The following TESK2 variants were observed in gnomAD, a reference collection of about 807,000 sequenced individuals.
TESK2 encodes testis associated actin remodelling kinase 2.
TESK2 carries 39 observed loss-of-function variants against 57.1 expected under a neutral mutation model. The ratio of observed to expected loss-of-function variants is 0.68; its 90% confidence interval spans 0.53 to 0.89. TESK2 has a LOEUF of 0.89. TESK2 is among the 40% of genes least tolerant of loss of function. TESK2 has a pLI of 0.00. For missense variants in TESK2, 646 were observed against 732.1 expected, an observed-to-expected ratio of 0.88 and a Z score of 1.36; for synonymous variants, 249 against 267.9, an observed-to-expected ratio of 0.93 and a Z score of 0.69.
chr1:45,389,728 G>A (rs930050178), intron 3 of TESK2, among the ~76,000 whole-genome samples: 3 of 152,042 alleles, frequency 2.0e-5, no homozygotes, highest in African/African-American at 4.8e-5. Flanking sequence ...TTTATAAATC[G>A]CAATTTCCTC....
intron 2 of TESK2, among the ~76,000 whole-genome samples, chr1:45,455,471 A>G (rs1449895748): frequency 6.6e-6 from 1 of 152,166 alleles, no homozygotes; most frequent in Admixed American, 6.6e-5. Flanking sequence ...GATGAATTTG[A>G]GGTTTTCCTC....
intron 4 of TESK2, among the ~76,000 whole-genome samples, chr1:45,362,213 A>G (rs1570650215): frequency 6.6e-6 from 1 of 152,328 alleles, no homozygotes; most frequent in Non-Finnish European, 1.5e-5. Context: ...TACCCAGTCT[A>G]TGATATATTC....
At chr1:45,416,690 A>G (rs1169719349) in intron 3 of TESK2, among the ~76,000 whole-genome samples, 3 of 152,036 alleles carry the variant, frequency 2.0e-5, no homozygotes, top group Non-Finnish European at 4.4e-5. Context: ...TATTCCTCCT[A>G]TGTAACTGAA....
At chr1:45,451,287 T>A (rs563021450) in intron 2 of TESK2, among the ~76,000 whole-genome samples, 1 of 152,342 alleles carries the variant, frequency 6.6e-6, no homozygotes, top group South Asian at 2.1e-4. Context: ...ACCAGAGTCT[T>A]CCTGTGCCCT....
rs200308667 is a variant in TESK2, at chr1:45,345,155, C to T, written c.1401G>A (p.Glu467=). ...CTTCCCGGCCCACAAATGGACAAGCCTCTTGATGCAAGAACTCAGGCGAAC... is the reference window on the plus strand; with the variant it reads ...CTTCCCGGCCCACAAATGGACAAGCTTCTTGATGCAAGAACTCAGGCGAAC... ...LPGSPEFLHQ[E]ACPFVGREES... is the part of the protein sequence containing the mutation. The change falls in exon 11 of 11, where the codon GAG becomes GAA. Residue 467 remains glutamate (E), a synonymous_variant. Coordinates refer to ENST00000372086, the MANE Select transcript of TESK2 (RefSeq NM_007170.3). 6.2e-7 allele frequency: 1 copy of T among 1,614,206 alleles called. No homozygotes were observed. The highest frequency in any genetic ancestry group is 8.5e-7 in the Non-Finnish European group (1 of 1,180,026).
At chr1:45,347,480 A>C in intron 7 of TESK2, 129 bp downstream of exon 7, 1 of 819,602 alleles carries the variant, frequency 1.2e-6, no homozygotes, top group South Asian at 1.7e-5. Context: ...GCAGGAGAAT[A>C]GCTTGAACTC....
intron 1 of TESK2, among the ~76,000 whole-genome samples, chr1:45,474,888 G>A (rs1173299621): frequency 1.3e-5 from 2 of 151,018 alleles, no homozygotes; most frequent in Admixed American, 6.6e-5. Context: ...TATTGGACCC[G>A]ATGCAAATAA....
intron 3 of TESK2, among the ~76,000 whole-genome samples, chr1:45,393,467 G>A (rs1649228088): frequency 6.6e-6 from 1 of 152,192 alleles, no homozygotes; most frequent in Non-Finnish European, 1.5e-5. Flanking sequence ...GAGCGGCCGG[G>A]CATAGTGGCT....
intron 3 of TESK2, among the ~76,000 whole-genome samples, chr1:45,416,506 A>T (rs1401397017): frequency 1.3e-5 from 2 of 152,150 alleles, no homozygotes; most frequent in Non-Finnish European, 2.9e-5. Context: ...TATACAGTGT[A>T]GAATGATTAA....
chr1:45,388,054 G>C (rs1302563164), intron 3 of TESK2, among the ~76,000 whole-genome samples: 1 of 151,976 alleles, frequency 6.6e-6, no homozygotes, highest in Admixed American at 6.6e-5. Context: ...AATAAAATAA[G>C]ATGGGTCATT....
intron 2 of TESK2, among the ~76,000 whole-genome samples, chr1:45,452,951 C>T (rs1264305718): frequency 6.6e-6 from 1 of 151,966 alleles, no homozygotes; most frequent in Non-Finnish European, 1.5e-5. Flanking sequence ...ACTTGGGAGG[C>T]TGGGATGGGA....
intron 1 of TESK2, among the ~76,000 whole-genome samples, chr1:45,485,377 CGG>C: frequency 6.6e-6 from 1 of 151,824 alleles, no homozygotes; most frequent in South Asian, 2.1e-4. Flanking sequence ...TTAGTAGAGA[CGG>C]GGTTTCACCG....
chr1:45,357,510 G>C (rs994591155), intron 4 of TESK2, among the ~76,000 whole-genome samples: 10 of 150,580 alleles, frequency 6.6e-5, no homozygotes, highest in Non-Finnish European at 1.3e-4. Flanking sequence ...AGATAGTCTT[G>C]CTGTTCATCA....
intron 2 of TESK2, among the ~76,000 whole-genome samples, chr1:45,439,234 T>G (rs1651346312): frequency 6.6e-6 from 1 of 152,180 alleles, no homozygotes; most frequent in African/African-American, 2.4e-5. Flanking sequence ...AAACTGCATA[T>G]GCACTAAATA....
In TESK2 at chr1:45,377,803, G is replaced by A. The variant is rs184609840; in HGVS notation, c.393+8109C>T. ...AACACTTTGGGAGGCCGAGGTGGGCGGATCACGAGGTCAGGAGTTTGAGAC... is the reference window on the plus strand; with the variant it reads ...AACACTTTGGGAGGCCGAGGTGGGCAGATCACGAGGTCAGGAGTTTGAGAC... On this transcript the variant is annotated intron_variant, in intron 4 of 10. Transcript: ENST00000372086. Among the ~76,000 whole-genome samples, 899 of 150,206 alleles carry A rather than the reference G, an allele frequency of 6.0e-3. 11 individuals carry two copies. Among genetic ancestry groups the A allele is most frequent in the African/African-American group, 0.02 (832 of 41,038 alleles).
At chr1:45,415,413 A>T in intron 3 of TESK2, 1 of 731,586 alleles carries the variant, frequency 1.4e-6, no homozygotes, top group Non-Finnish European at 2.3e-6. Context: ...GCACTCCTCC[A>T]CCCCATTTGC....
At chr1:45,348,961 G>A (rs1005586374) in intron 5 of TESK2, among the ~76,000 whole-genome samples, 26 of 152,120 alleles carry the variant, frequency 1.7e-4, no homozygotes, top group African/African-American at 5.3e-4. Flanking sequence ...AACAAAAAGC[G>A]GCAACCAGCT....
intron 4 of TESK2, among the ~76,000 whole-genome samples, chr1:45,384,395 CTAT>C (rs1648790496): frequency 2.3e-5 from 3 of 131,116 alleles, no homozygotes; most frequent in African/African-American, 7.7e-5. Context: ...ATCTGTCTAT[CTAT>C]CTATCTATCT....
chr1:45,397,577 CTCTTT>C (rs1649417509), intron 3 of TESK2, among the ~76,000 whole-genome samples: 1 of 152,110 alleles, frequency 6.6e-6, no homozygotes, highest in South Asian at 2.1e-4. Context: ...TGCATTCTCT[CTCTTT>C]TCTTTTTCTT....
Sources: allele counts gnomAD v4.1 joint callset (sites outside exome capture counted in the v4.1 genomes callset), GRCh38; gene constraint gnomAD v4.1.1; transcripts MANE v1.5; gene names NCBI Gene and HGNC (gene_info 2026-07-23, HGNC 2026-07-21).